Variants in RALYL observed in about 807,000 individuals in gnomAD.
The protein encoded by RALYL is RALY RNA binding protein like.
A neutral mutation model predicts 35.1 loss-of-function variants in RALYL; 29 were observed. The observed-to-expected ratio is 0.83, with a 90% confidence interval of 0.61 to 1.13. The LOEUF is 1.13. Among genes scored for constraint, RALYL ranks in the 50% most tolerant of loss-of-function variants. The pLI is 0.00. For missense variants in RALYL, 359 were observed against 360.4 expected, an observed-to-expected ratio of 1.00 and a Z score of 0.03; for synonymous variants, 120 against 127.6, an observed-to-expected ratio of 0.94 and a Z score of 0.40.
chr8:84,288,534 TATCTTTTTTCTGCATTTTTAGTTGC>T (rs527881141), intron 1 of RALYL, among the ~76,000 whole-genome samples: 6 of 151,150 alleles, frequency 4.0e-5, no homozygotes, highest in African/African-American at 9.6e-5. Context: ...TGTCATGTTG[TATCTTTTTTCTGCATTTTTAGTTGC>T]ATCTTTTTTC....
chr8:84,686,118 AT>A (rs912917160), intron 2 of RALYL, among the ~76,000 whole-genome samples: 1 of 152,106 alleles, frequency 6.6e-6, no homozygotes, highest in Non-Finnish European at 1.5e-5. Context: ...AGTAACCTTA[AT>A]TTTTTTCTTT....
At chr8:84,892,951 A>C (rs1844129881) in intron 8 of RALYL, among the ~76,000 whole-genome samples, 1 of 152,338 alleles carries the variant, frequency 6.6e-6, no homozygotes, top group Admixed American at 6.5e-5. Flanking sequence ...GTTTCTGAAT[A>C]AATCCACTAG....
At position 84,597,298 on chromosome 8, in the gene RALYL, A is replaced by T. The variant is rs578014182; in HGVS notation, c.256+67721A>T. On this transcript the variant is annotated intron_variant, in intron 2 of 8. Coordinates refer to ENST00000521268, the MANE Select transcript of RALYL (RefSeq NM_173848.7). ...ACTTTCTTCCCCAATTCTCTATGAT[A>T]TTTTATGGCACCACCATCTACCTAG... 2.0e-5 allele frequency among the ~76,000 whole-genome samples: 3 copies of T among 152,264 alleles called. No individual in the cohort carries two copies. The South Asian group carries it at 6.2e-4, about 32-fold the overall frequency.
intron 1 of RALYL, among the ~76,000 whole-genome samples, chr8:84,311,914 A>G (rs1036036636): frequency 2.0e-5 from 3 of 152,236 alleles, no homozygotes; most frequent in African/African-American, 4.8e-5. Flanking sequence ...ATCAGAGATT[A>G]TACAATAAAC....
At chr8:84,652,582 T>C (rs1354209296) in intron 2 of RALYL, among the ~76,000 whole-genome samples, 1 of 152,078 alleles carries the variant, frequency 6.6e-6, no homozygotes, top group African/African-American at 2.4e-5. Context: ...TTATTAGACA[T>C]GTGTGTTTTT....
At chr8:84,690,024 C>T (rs1589030224) in intron 2 of RALYL, among the ~76,000 whole-genome samples, 1 of 152,080 alleles carries the variant, frequency 6.6e-6, no homozygotes, top group Non-Finnish European at 1.5e-5. Flanking sequence ...AGTAATTACA[C>T]TACTTGTATA....
intron 2 of RALYL, chr8:84,678,720 C>G (rs538641058): frequency 1.3e-5 from 2 of 152,268 alleles, no homozygotes; most frequent in South Asian, 2.1e-4. Context: ...GCTAAAAGTT[C>G]ACTAGCAACA....
At chr8:84,397,143 T>G (rs1262575010) in intron 1 of RALYL, among the ~76,000 whole-genome samples, 2 of 152,052 alleles carry the variant, frequency 1.3e-5, no homozygotes, top group East Asian at 3.9e-4. Flanking sequence ...TGATGTGCCT[T>G]GAAAATAGAG....
intron 1 of RALYL, among the ~76,000 whole-genome samples, chr8:84,474,818 T>C (rs1160965042): frequency 6.6e-6 from 1 of 152,202 alleles, no homozygotes; most frequent in Non-Finnish European, 1.5e-5. Flanking sequence ...TGATGTCTAT[T>C]TCTTCGAAAA....
chr8:84,618,054 CT>C (rs1479549867), intron 2 of RALYL, among the ~76,000 whole-genome samples: 1 of 151,744 alleles, frequency 6.6e-6, no homozygotes, highest in Admixed American at 6.6e-5. Context: ...CTAAAATTCT[CT>C]TTTTTGGTTG....
At chr8:84,581,515 A>G (rs1810829139) in intron 2 of RALYL, among the ~76,000 whole-genome samples, 2 of 152,316 alleles carry the variant, frequency 1.3e-5, no homozygotes, top group Admixed American at 1.3e-4. Flanking sequence ...ATACATGTTA[A>G]GTATCCTGCA....
chr8:84,744,762 T>C (rs1327434407), intron 2 of RALYL, among the ~76,000 whole-genome samples: 2 of 151,960 alleles, frequency 1.3e-5, no homozygotes, highest in African/African-American at 2.4e-5. Flanking sequence ...TCTAATTCGG[T>C]GAAGAATAGA....
chr8:84,288,848 A>T (rs542203086), intron 1 of RALYL, among the ~76,000 whole-genome samples: 1 of 152,322 alleles, frequency 6.6e-6, no homozygotes, highest in East Asian at 1.9e-4. Context: ...TAAATAATGC[A>T]TTAATGAATA....
At chr8:84,502,439 A>G (rs559790725) in intron 1 of RALYL, among the ~76,000 whole-genome samples, 2 of 152,222 alleles carry the variant, frequency 1.3e-5, no homozygotes, top group South Asian at 4.1e-4. Flanking sequence ...TCTGAGACTA[A>G]AAAACCAAGA....
chr8:84,210,104 C>G (rs1819098849), intron 1 of RALYL, among the ~76,000 whole-genome samples: 1 of 152,230 alleles, frequency 6.6e-6, no homozygotes, highest in Middle Eastern at 3.4e-3. Context: ...TGACAGTACA[C>G]AGCTCAAGGT....
chr8:84,854,431 T>C (rs1192846549), intron 5 of RALYL, among the ~76,000 whole-genome samples: 1 of 152,234 alleles, frequency 6.6e-6, no homozygotes, highest in Non-Finnish European at 1.5e-5. Flanking sequence ...GCAGTGTCCA[T>C]ATAACTGAGA....
At chr8:84,863,060 T>C (rs1359546085) in intron 6 of RALYL, among the ~76,000 whole-genome samples, 1 of 152,196 alleles carries the variant, frequency 6.6e-6, no homozygotes, top group East Asian at 1.9e-4. Flanking sequence ...TATGGAGTGA[T>C]ACAGAAAAAA....
chr8:84,566,038 C>G (rs1262304032), intron 2 of RALYL, among the ~76,000 whole-genome samples: 1 of 144,168 alleles, frequency 6.9e-6, no homozygotes, highest in African/African-American at 2.5e-5. Context: ...GGCAAAAGTT[C>G]AGTCATTTGG....
Position 84,270,611 on chromosome 8 carries a change from C to A in RALYL, c.-24+86187C>A, listed in dbSNP as rs147385953. 5.0e-3 allele frequency among the ~76,000 whole-genome samples: 760 copies of A among 151,344 alleles called. 8 individuals are homozygous for A. The highest frequency in any genetic ancestry group is 0.018 in the African/African-American group (738 of 41,242). On this transcript the variant is annotated intron_variant, in intron 1 of 8. Coordinates refer to ENST00000521268, the MANE Select transcript of RALYL (RefSeq NM_173848.7). The stretch of plus-strand genomic sequence containing the variant: ...GTATGTATAATTTTCACATATCTTT[C>A]TATAAAACATTATTACACAGTGTAC...
Sources: gnomAD v4.1 joint callset for allele counts (sites outside exome capture counted in the v4.1 genomes callset) on GRCh38, gnomAD v4.1.1 for gene constraint, MANE v1.5 for transcripts, NCBI Gene and HGNC (gene_info 2026-07-23, HGNC 2026-07-21) for gene names.